Variants in NELL2 observed in about 807,000 individuals in gnomAD.
NELL2 encodes the protein neural EGFL like 2.
A neutral mutation model predicts 109.6 loss-of-function variants in NELL2; 41 were observed. The observed-to-expected ratio is 0.37, with a 90% CI of 0.29 to 0.49. The LOEUF (loss-of-function observed/expected upper bound fraction) is 0.49, where lower values mean the gene tolerates loss of function less well. Among genes scored for constraint, NELL2 ranks in the 20% least tolerant of loss-of-function variants. The pLI is 0.98. For missense variants in NELL2, 900 were observed against 1,008.3 expected (o/e 0.89, Z 1.45); for synonymous variants, 355 against 344.7 (o/e 1.03, Z -0.33).
At chr12:44,871,146 T>C (rs1248333007) in intron 2 of NELL2, among the ~76,000 whole-genome samples, 1 of 152,160 alleles carries the variant, frequency 6.6e-6, no homozygotes, top group African/African-American at 2.4e-5. Flanking sequence ...TTCTCTTCTT[T>C]GGACTACTCT....
intron 9 of NELL2, among the ~76,000 whole-genome samples, chr12:44,720,166 C>A (rs762720893): frequency 5.3e-5 from 8 of 152,108 alleles, no homozygotes; most frequent in Non-Finnish European, 2.9e-5. Context: ...TAGCACTGAA[C>A]ACATTTTCCT....
chr12:44,590,575 T>G (rs1323295982), intron 15 of NELL2, among the ~76,000 whole-genome samples: 21 of 152,208 alleles, frequency 1.4e-4, no homozygotes, highest in Non-Finnish European at 2.9e-4. Flanking sequence ...CAAAAACCAT[T>G]TCATAAAATA....
intron 15 of NELL2, among the ~76,000 whole-genome samples, chr12:44,598,391 C>A (rs944891966): frequency 6.6e-6 from 1 of 152,060 alleles, no homozygotes; most frequent in Non-Finnish European, 1.5e-5. Flanking sequence ...ACAGCCTCAT[C>A]CCCCAGCTCC....
chr12:44,903,653 G>A (rs1945687106), intron 1 of NELL2, among the ~76,000 whole-genome samples: 1 of 152,102 alleles, frequency 6.6e-6, no homozygotes, highest in African/African-American at 2.4e-5. Context: ...GCCCATCAAT[G>A]ATAGACTGGA....
At chr12:44,666,781 A>C (rs926958384) in intron 12 of NELL2, among the ~76,000 whole-genome samples, 1 of 152,196 alleles carries the variant, frequency 6.6e-6, no homozygotes, top group African/African-American at 2.4e-5. Flanking sequence ...CTGAGCCTAC[A>C]AAATGTTTCC....
At chr12:44,519,778 C>G (rs1244618838) in intron 19 of NELL2, among the ~76,000 whole-genome samples, 1 of 151,984 alleles carries the variant, frequency 6.6e-6, no homozygotes, top group Non-Finnish European at 1.5e-5. Context: ...ATATAAATAA[C>G]GGATCATTCT....
chr12:44,918,757 G>A (rs559693358), upstream of NELL2, among the ~76,000 whole-genome samples: 16 of 152,116 alleles, frequency 1.1e-4, no homozygotes, highest in African/African-American at 3.6e-4. Context: ...TTTCTGAAAC[G>A]AGCCTTTCTA....
At chr12:44,566,210 T>C (rs921821149) in intron 15 of NELL2, among the ~76,000 whole-genome samples, 2 of 152,164 alleles carry the variant, frequency 1.3e-5, no homozygotes, top group African/African-American at 2.4e-5. Context: ...GAGTGAGTGA[T>C]CAGGAGATGT....
rs549873240 is a variant in NELL2 at position 44,604,789 on chromosome 12, C to T, written c.1663+2380G>A. 3.3e-5 allele frequency among the ~76,000 whole-genome samples: 5 copies of T among 152,214 alleles called. No individual in the cohort carries two copies. In the East Asian group the frequency reaches 9.7e-4, roughly 29 times the overall value. On this transcript the variant is annotated intron_variant, in intron 15 of 19. Coordinates refer to ENST00000429094, the MANE Select transcript of NELL2 (RefSeq NM_001145108.2). ...AATGGGGAACATGAAAGTTTTTCTT[C>T]AGTCTGGAGTGATATGATCAGATTT... is the stretch of plus-strand genomic sequence containing the variant.
intron 9 of NELL2, among the ~76,000 whole-genome samples, chr12:44,742,454 C>T (rs372414940): frequency 2.4e-4 from 36 of 152,312 alleles, no homozygotes; most frequent in East Asian, 1.3e-3. Context: ...CAAAGCTGGA[C>T]GGAGAATGAC....
intron 2 of NELL2, among the ~76,000 whole-genome samples, chr12:44,855,551 C>A (rs1944659872): frequency 6.6e-6 from 1 of 152,136 alleles, no homozygotes; most frequent in Non-Finnish European, 1.5e-5. Context: ...CCAAACCTTT[C>A]AACTCCCTGG....
intron 15 of NELL2, among the ~76,000 whole-genome samples, chr12:44,579,410 A>G (rs910399318): frequency 1.3e-5 from 2 of 152,236 alleles, no homozygotes; most frequent in Non-Finnish European, 2.9e-5. Context: ...AGGCATATAG[A>G]TAACGATTTT....
chr12:44,567,624 T>C (rs970273527), intron 15 of NELL2, among the ~76,000 whole-genome samples: 1 of 152,038 alleles, frequency 6.6e-6, no homozygotes, highest in African/African-American at 2.4e-5. Flanking sequence ...AGGAAAAAAA[T>C]AAAGAGGACA....
chr12:44,669,112 G>A (rs1948051060), intron 12 of NELL2, among the ~76,000 whole-genome samples: 1 of 152,186 alleles, frequency 6.6e-6, no homozygotes, highest in African/African-American at 2.4e-5. Context: ...TTAAGTCACT[G>A]AGGAACTCAT....
intron 13 of NELL2, among the ~76,000 whole-genome samples, chr12:44,654,472 C>G (rs1020979012): frequency 6.6e-6 from 1 of 152,184 alleles, no homozygotes; most frequent in Non-Finnish European, 1.5e-5. Flanking sequence ...CTAGCCATAC[C>G]TTTGTGTAAT....
chr12:44,895,626 T>C (rs903282239), intron 1 of NELL2, among the ~76,000 whole-genome samples: 1 of 152,120 alleles, frequency 6.6e-6, no homozygotes, highest in Non-Finnish European at 1.5e-5. Flanking sequence ...GTTTCCATTA[T>C]AAAAAATTAC....
chr12:44,698,193 C>T (rs981513777), intron 12 of NELL2, among the ~76,000 whole-genome samples: 1 of 152,140 alleles, frequency 6.6e-6, no homozygotes, highest in Non-Finnish European at 1.5e-5. Context: ...TGCAACGTCC[C>T]TATTTCCAAA....
intron 15 of NELL2, among the ~76,000 whole-genome samples, chr12:44,591,071 G>A (rs987402380): frequency 2.0e-5 from 3 of 151,978 alleles, no homozygotes; most frequent in African/African-American, 7.2e-5. Context: ...AAAACCATGA[G>A]AAGATATCAT....
At chr12:44,771,339 G>GTTTTT (rs140341898) in intron 9 of NELL2, among the ~76,000 whole-genome samples, 1 of 147,852 alleles carries the variant, frequency 6.8e-6, no homozygotes, top group Admixed American at 6.7e-5. Context: ...ATAACAGATG[G>GTTTTT]TTTTTTTAAA....
Sources: allele counts gnomAD v4.1 joint callset (sites outside exome capture counted in the v4.1 genomes callset), GRCh38; gene constraint gnomAD v4.1.1; transcripts MANE v1.5; gene names NCBI Gene and HGNC (gene_info 2026-07-23, HGNC 2026-07-21).